NUBPL: variants seen among roughly 807,000 people sequenced by gnomAD.
NUBPL encodes iron-sulfur cluster transfer protein NUBPL.
Under a neutral mutation model 45.7 loss-of-function variants are expected in NUBPL, and 31 were observed. The ratio of observed to expected loss-of-function variants is 0.68; its 90% CI spans 0.51 to 0.92. The LOEUF is 0.92. NUBPL is among the 40% of genes least tolerant of loss of function. The pLI is 0.00. For synonymous variants in NUBPL, 144 were observed against 140.9 expected, an observed-to-expected ratio of 1.02 and a Z score of -0.15; for missense variants, 401 against 398.7, an observed-to-expected ratio of 1.01 and a Z score of -0.05.
chr14:31,832,306 T>G (rs980312707), intron 8 of NUBPL, among the ~76,000 whole-genome samples: 1 of 152,018 alleles, frequency 6.6e-6, no homozygotes, highest in African/African-American at 2.4e-5. Flanking sequence ...GAAGGGGAAA[T>G]GAATGTAATT....
intron 4 of NUBPL, among the ~76,000 whole-genome samples, chr14:31,632,480 G>C (rs907808649): frequency 1.3e-5 from 2 of 152,222 alleles, no homozygotes; most frequent in African/African-American, 2.4e-5. Flanking sequence ...GTGAACTGGA[G>C]GGGCAGTTGG....
chr14:31,636,318 C>G (rs1284182097), intron 4 of NUBPL, among the ~76,000 whole-genome samples: 2 of 151,790 alleles, frequency 1.3e-5, no homozygotes, highest in Non-Finnish European at 2.9e-5. Flanking sequence ...TGAATTTTGT[C>G]AAAGGCCTTT....
At chr14:31,817,586 T>C (rs1430151783) in intron 7 of NUBPL, among the ~76,000 whole-genome samples, 1 of 152,112 alleles carries the variant, frequency 6.6e-6, no homozygotes, top group Admixed American at 6.6e-5. Context: ...CTAAGCTTCA[T>C]AAGCAAAGCA....
At chr14:31,627,932 A>G (rs1282744554) in intron 4 of NUBPL, among the ~76,000 whole-genome samples, 1 of 152,332 alleles carries the variant, frequency 6.6e-6, no homozygotes, top group East Asian at 1.9e-4. Flanking sequence ...TTAATGAAAA[A>G]TAACTATTTT....
intron 7 of NUBPL, among the ~76,000 whole-genome samples, chr14:31,805,929 G>T (rs930378052): frequency 6.6e-6 from 1 of 151,602 alleles, no homozygotes; most frequent in Non-Finnish European, 1.5e-5. Flanking sequence ...AATTTTGGGG[G>T]GCATTTCCTT....
At chr14:31,619,476 C>T (rs1300322077) in intron 4 of NUBPL, among the ~76,000 whole-genome samples, 1 of 152,078 alleles carries the variant, frequency 6.6e-6, no homozygotes, top group East Asian at 1.9e-4. Flanking sequence ...GTAAGGCAGG[C>T]CTGGTGGTGA....
intron 3 of NUBPL, among the ~76,000 whole-genome samples, chr14:31,578,956 A>G (rs1052104498): frequency 6.6e-6 from 1 of 152,234 alleles, no homozygotes; most frequent in African/African-American, 2.4e-5. Context: ...CTGACGAGTT[A>G]GATTACTGCC....
chr14:31,773,576 A>G (rs1442488881), intron 6 of NUBPL, among the ~76,000 whole-genome samples: 1 of 152,220 alleles, frequency 6.6e-6, no homozygotes, highest in Admixed American at 6.5e-5. Flanking sequence ...TAACGATCCT[A>G]GGAGCTTGGT....
chr14:31,840,477 G>A (rs931336623), intron 8 of NUBPL, among the ~76,000 whole-genome samples: 1 of 152,018 alleles, frequency 6.6e-6, no homozygotes, highest in South Asian at 2.1e-4. Flanking sequence ...GGGAGGCGGA[G>A]GTAGGAGAAT....
At position 31,737,749 on chromosome 14, in the gene NUBPL, G is replaced by A. The variant is rs549397923; in HGVS notation, c.514-50031G>A. 4.6e-5 allele frequency among the ~76,000 whole-genome samples: 7 copies of A among 152,152 alleles called. No individual in the cohort carries two copies. The East Asian group carries it at 1.2e-3, about 25-fold the overall frequency. ...TGGTGAGCTGAAATCATGCCACTTC[G>A]CTCTAGCCTGGGTGACAGAGCAAGA... On this transcript the variant is annotated intron_variant, in intron 6 of 10. Transcript: ENST00000281081.
chr14:31,760,412 CAA>C (rs1216645413), intron 6 of NUBPL, among the ~76,000 whole-genome samples: 1 of 152,120 alleles, frequency 6.6e-6, no homozygotes, highest in African/African-American at 2.4e-5. Flanking sequence ...CTCAGCCTCC[CAA>C]AGTGTTTGGA....
At chr14:31,635,280 G>A (rs1204223467) in intron 4 of NUBPL, among the ~76,000 whole-genome samples, 15 of 152,238 alleles carry the variant, frequency 9.9e-5, no homozygotes, top group Admixed American at 3.9e-4. Flanking sequence ...GGTGTAAGGA[G>A]GGGATCCAGT....
chr14:31,665,522 G>A (rs189393487), intron 4 of NUBPL, among the ~76,000 whole-genome samples: 15 of 152,240 alleles, frequency 9.9e-5, no homozygotes, highest in Admixed American at 2.6e-4. Context: ...CAGTTTCCAC[G>A]TAGTTGTGCA....
At chr14:31,840,596 A>T (rs1392093496) in intron 8 of NUBPL, among the ~76,000 whole-genome samples, 1 of 147,520 alleles carries the variant, frequency 6.8e-6, no homozygotes, top group Non-Finnish European at 1.5e-5. Flanking sequence ...AAAAAGAAAA[A>T]GAAAGAAATC....
intron 7 of NUBPL, among the ~76,000 whole-genome samples, chr14:31,798,150 T>G (rs1204494670): frequency 6.6e-6 from 1 of 152,150 alleles, no homozygotes; most frequent in Non-Finnish European, 1.5e-5. Context: ...ACCATCCTGC[T>G]GATTCATTCC....
At chr14:31,728,481 C>A (rs533199646) in intron 6 of NUBPL, among the ~76,000 whole-genome samples, 1 of 152,036 alleles carries the variant, frequency 6.6e-6, no homozygotes, top group Non-Finnish European at 1.5e-5. Flanking sequence ...ACCAAGTAGA[C>A]GCATTAAGTA....
At chr14:31,574,582 CTTTTTTTTTT>C (rs71115022) in intron 3 of NUBPL, among the ~76,000 whole-genome samples, 2 of 66,906 alleles carry the variant, frequency 3.0e-5, no homozygotes, top group African/African-American at 6.3e-5. Flanking sequence ...TTCTTTCCTT[CTTTTTTTTTT>C]TTTTTTTTTT....
chr14:31,855,174 A>G (rs1205839820), intron 10 of NUBPL, among the ~76,000 whole-genome samples: 1 of 152,248 alleles, frequency 6.6e-6, no homozygotes, highest in Non-Finnish European at 1.5e-5. Flanking sequence ...TCATCACAAA[A>G]TATTAGGCAT....
chr14:31,580,131 A>C (rs114452879), intron 3 of NUBPL, among the ~76,000 whole-genome samples: 173 of 152,304 alleles, frequency 1.1e-3, no homozygotes, highest in African/African-American at 4.1e-3. Context: ...AATAAGGATA[A>C]TTTTATTAAT....
Sources: gnomAD v4.1 joint callset for allele counts (sites outside exome capture counted in the v4.1 genomes callset) on GRCh38, gnomAD v4.1.1 for gene constraint, MANE v1.5 for transcripts, NCBI Gene and HGNC (gene_info 2026-07-23, HGNC 2026-07-21) for gene names.